The following SLC17A1 variants were observed in gnomAD, a reference collection of about 807,000 sequenced individuals.
SLC17A1 encodes the protein sodium-dependent phosphate transport protein 1.
SLC17A1 carries 51 observed loss-of-function variants against 53.5 expected under a neutral mutation model. The observed-to-expected ratio is 0.95, with a 90% CI of 0.76 to 1.20. The LOEUF is 1.20. SLC17A1 is among the 50% of genes most tolerant of loss of function. The pLI is 0.00. For synonymous variants in SLC17A1, 179 were observed against 198.8 expected, an observed-to-expected ratio of 0.90 and a Z score of 0.84; for missense variants, 538 against 568.2, an observed-to-expected ratio of 0.95 and a Z score of 0.54.
chr6:25,783,872 C>G (rs540041608), intron 12 of SLC17A1, among the ~76,000 whole-genome samples: 54 of 150,878 alleles, frequency 3.6e-4, no homozygotes, highest in African/African-American at 5.6e-4. Context: ...TCTGTGTTAA[C>G]TGGGATAGTG....
the SLC17A1 span, among the ~76,000 whole-genome samples, chr6:25,760,023 G>A: frequency 1.3e-5 from 2 of 152,168 alleles, no homozygotes; most frequent in Admixed American, 6.5e-5. Flanking sequence ...GGTACACACC[G>A]TGAAGCAGCA....
downstream of SLC17A1, chr6:25,779,019 G>T: frequency 1.2e-6 from 2 of 1,611,014 alleles, no homozygotes; most frequent in East Asian, 2.2e-5. Flanking sequence ...CAGGAATTGG[G>T]TGACCGTTAA....
chr6:25,809,305 G>T (rs1764067966), intron 10 of SLC17A1, among the ~76,000 whole-genome samples: 1 of 151,910 alleles, frequency 6.6e-6, no homozygotes, highest in African/African-American at 2.4e-5. Context: ...ATATTATTCA[G>T]GTAATGGTTA....
At chr6:25,814,119 T>C (rs544026892) in intron 6 of SLC17A1, among the ~76,000 whole-genome samples, 1 of 152,354 alleles carries the variant, frequency 6.6e-6, no homozygotes, top group African/African-American at 2.4e-5. Context: ...ACAAATTGTT[T>C]CTATGAGTTT....
chr6:25,779,138 C>T (rs375813431), downstream of SLC17A1: 14 of 1,613,826 alleles, frequency 8.7e-6, no homozygotes, highest in African/African-American at 2.7e-5. Context: ...CATCTTTGGC[C>T]GAGCAGATGT....
At position 25,808,678 on chromosome 6, in the gene SLC17A1, T is replaced by A. The variant is rs144773070; in HGVS notation, c.1178+2720A>T. ...CTTTCAACATCACTAATCCTCAGAG[T>A]AGTGCAAATTAAAACCACGATGAGA... is the stretch of plus-strand genomic sequence containing the variant. On this transcript the variant is annotated intron_variant, in intron 10 of 12. Coordinates refer to ENST00000244527, the MANE Select transcript of SLC17A1 (RefSeq NM_005074.5). Among the ~76,000 whole-genome samples, 663 of 151,660 alleles carry A rather than the reference T, an allele frequency of 4.4e-3. 2 individuals carry two copies. The highest frequency in any genetic ancestry group is 0.017 in the Middle Eastern group (5 of 294).
the SLC17A1 span, among the ~76,000 whole-genome samples, chr6:25,733,806 ATGTGTGTGTGTGTGTGTGTGTGTG>A: frequency 8.2e-5 from 11 of 133,988 alleles, no homozygotes; most frequent in African/African-American, 3.1e-4. Flanking sequence ...GTGTGTGTGT[ATGTGTGTGTGTGTGTGTGTGTGTG>A]TGTGTGTATG....
chr6:25,731,659 TATC>T, the SLC17A1 span: 2 of 614,302 alleles, frequency 3.3e-6, no homozygotes, highest in African/African-American at 3.8e-5. Flanking sequence ...AGGAAAAAAT[TATC>T]AGTCTGGCAA....
intron 3 of SLC17A1, among the ~76,000 whole-genome samples, chr6:25,820,897 C>CAAAA (rs59962368): frequency 6.4e-5 from 4 of 62,062 alleles, no homozygotes; most frequent in African/African-American, 6.3e-5. Context: ...GACTCCATCT[C>CAAAA]AAAAAAAAAA....
At chr6:25,812,778 AT>A (rs1348258404) in intron 8 of SLC17A1, 52 bp downstream of exon 8, 2 of 1,397,084 alleles carry the variant, frequency 1.4e-6, no homozygotes, top group Admixed American at 3.9e-5. Context: ...AGACAGACAA[AT>A]GTACACAGAG....
At chr6:25,820,925 A>G (rs1400935377) in intron 3 of SLC17A1, among the ~76,000 whole-genome samples, 1 of 151,076 alleles carries the variant, frequency 6.6e-6, no homozygotes, top group Non-Finnish European at 1.5e-5. Flanking sequence ...AAAGAATGAT[A>G]AAAGAAAATC....
chr6:25,726,892 A>G, the SLC17A1 span: 3 of 1,604,894 alleles, frequency 1.9e-6, no homozygotes, highest in Non-Finnish European at 2.6e-6. Context: ...GTAACGCTGC[A>G]GAAGTGTGTG....
chr6:25,831,250 C>T lies in SLC17A1; in HGVS notation c.-50-643G>A, dbSNP rs78832046. 6.8e-3 allele frequency among the ~76,000 whole-genome samples: 1,028 copies of T among 152,250 alleles called. 11 individuals are homozygous for T. The highest frequency in any genetic ancestry group is 0.012 in the Non-Finnish European group (804 of 68,012). On this transcript the variant is annotated intron_variant, in intron 1 of 12. Transcript: ENST00000244527. ...AATGGAGCAGTCTCCTATCAGGCAA[C>T]CCCTTACCATCAGAATTCAGCACCA...
At chr6:25,724,050 C>T in the SLC17A1 span, among the ~76,000 whole-genome samples, 2,496 of 152,184 alleles carry the variant, frequency 0.016, 49 homozygotes, top group Middle Eastern at 0.054. Context: ...TAAAAGAAAC[C>T]CTTCTAATAT....
At position 25,830,520 on chromosome 6, in the gene SLC17A1, C is replaced by A. The variant is rs1158377398; in HGVS notation, c.34+4G>T. 10 of 1,606,510 alleles carry A rather than the reference C, an allele frequency of 6.2e-6. No homozygotes were observed. The highest frequency in any genetic ancestry group is 8.5e-6 in the Non-Finnish European group (10 of 1,173,296). Reference sequence around the variant, plus strand: ...CTGTTTAATGGAACAGAATAAAGTGCTACCTTTTTTGGGAGGCAACCGGTT... The same window carrying A: ...CTGTTTAATGGAACAGAATAAAGTGATACCTTTTTTGGGAGGCAACCGGTT... On this transcript the variant is annotated splice_donor_region_variant and intron_variant, in intron 2 of 12. Transcript: ENST00000244527.
At chr6:25,751,812 T>A in the SLC17A1 span, among the ~76,000 whole-genome samples, 2 of 151,432 alleles carry the variant, frequency 1.3e-5, no homozygotes, top group African/African-American at 4.9e-5. Flanking sequence ...TTGCCATACC[T>A]CAAGACCTGA....
chr6:25,760,878 T>C, the SLC17A1 span, among the ~76,000 whole-genome samples: 2 of 152,228 alleles, frequency 1.3e-5, no homozygotes. Flanking sequence ...ATTTAAAGCA[T>C]ACTTACATAA....
the SLC17A1 span, among the ~76,000 whole-genome samples, chr6:25,766,558 A>T: frequency 6.6e-6 from 1 of 152,322 alleles, no homozygotes; most frequent in East Asian, 1.9e-4. Flanking sequence ...GCAACCTGAC[A>T]AACACTACCT....
rs765152267 is a variant in SLC17A1, at chr6:25,830,603, A to T, written c.-46T>A. 1.2e-6 allele frequency: 2 copies of T among 1,612,226 alleles called. No individual in the cohort carries two copies. Among genetic ancestry groups the T allele is most frequent in the Non-Finnish European group, 1.7e-6 (2 of 1,178,712 alleles). ...CTTCTTGCTGAAGGGTTTTGCCTCC[A>T]CCCACTGTGAGTGCAAAACACGTTG... On this transcript the variant is annotated 5_prime_UTR_variant, in exon 2 of 13. Transcript: ENST00000244527.
Sources: allele counts gnomAD v4.1 joint callset (sites outside exome capture counted in the v4.1 genomes callset), GRCh38; gene constraint gnomAD v4.1.1; transcripts MANE v1.5; gene names NCBI Gene and HGNC (gene_info 2026-07-23, HGNC 2026-07-21).